The following SMARCA2 variants were observed in gnomAD, a reference collection of about 807,000 sequenced individuals.
The protein encoded by SMARCA2 is SWI/SNF-related matrix-associated actin-dependent regulator of chromatin subfamily A member 2.
SMARCA2 carries 61 observed loss-of-function variants against 199.8 expected under a neutral mutation model. That is an observed-to-expected ratio of 0.31 (90% confidence interval 0.25 to 0.38). The LOEUF is 0.38. SMARCA2 is among the 10% of genes least tolerant of loss of function. The pLI is 1.00. For synonymous variants in SMARCA2, 935 were observed against 732.0 expected (o/e 1.28, Z -4.48); for missense variants, 1,344 against 2,012.2 (o/e 0.67, Z 6.35).
At chr9:2,149,546 T>G (rs544778300) in intron 27 of SMARCA2, among the ~76,000 whole-genome samples, 11 of 151,438 alleles carry the variant, frequency 7.3e-5, no homozygotes, top group African/African-American at 2.7e-4. Flanking sequence ...AGGAAACCTC[T>G]TATAAAACTA....
Position 2,181,553 on chromosome 9 carries a change from G to C in SMARCA2, c.4254-18G>C, listed in dbSNP as rs201349909. Reference sequence around the variant, plus strand: ...TGTTTGATGTGGCTTGTTTTTGTTTGTTTCACCCATCCTACAGTTCAGGGC... The same window carrying C: ...TGTTTGATGTGGCTTGTTTTTGTTTCTTTCACCCATCCTACAGTTCAGGGC... On this transcript the variant is annotated intron_variant, in intron 29 of 33. Coordinates refer to ENST00000349721, the MANE Select transcript of SMARCA2 (RefSeq NM_003070.5). 151 of 1,316,346 alleles carry C rather than the reference G, an allele frequency of 1.1e-4. No individual in the cohort carries two copies. In the African/African-American group the frequency reaches 2.0e-3, roughly 18 times the overall value. The allele number at this position is 1,316,346 out of a possible 1,614,324, so 81.5% of individuals were successfully genotyped here. A position where few individuals can be genotyped will look rare whatever the true frequency, so the allele number is the denominator to read the frequency against.
At chr9:2,067,730 C>G (rs1268169560) in intron 9 of SMARCA2, among the ~76,000 whole-genome samples, 1 of 152,166 alleles carries the variant, frequency 6.6e-6, no homozygotes, top group Non-Finnish European at 1.5e-5. Flanking sequence ...TGTCTAATTG[C>G]AGAACCAAAT....
chr9:2,077,901 C>A, intron 14 of SMARCA2, 125 bp downstream of exon 14: 1 of 791,800 alleles, frequency 1.3e-6, no homozygotes, highest in Non-Finnish European at 2.0e-6. Context: ...ACTTATAATA[C>A]TGAGGTTCCT....
chr9:2,098,195 A>G (rs576578906), intron 21 of SMARCA2, among the ~76,000 whole-genome samples: 9 of 152,340 alleles, frequency 5.9e-5, no homozygotes, highest in East Asian at 1.9e-4. Context: ...CCTGGTGGCA[A>G]TTATTTGCCA....
At chr9:2,184,154 C>G (rs946600135) in intron 31 of SMARCA2, among the ~76,000 whole-genome samples, 9 of 152,120 alleles carry the variant, frequency 5.9e-5, no homozygotes, top group African/African-American at 2.2e-4. Context: ...AAGTCTTTAG[C>G]TTCATCTGCT....
chr9:2,085,478 C>T (rs2130480610), intron 17 of SMARCA2, among the ~76,000 whole-genome samples: 1 of 152,258 alleles, frequency 6.6e-6, no homozygotes, highest in African/African-American at 2.4e-5. Flanking sequence ...TTTATTATTT[C>T]ATAAGCTAAA....
At chr9:2,192,556 T>A (rs887321280) in intron 33 of SMARCA2, 148 bp from the exon 34 acceptor site, 2 of 707,282 alleles carry the variant, frequency 2.8e-6, no homozygotes, top group African/African-American at 3.6e-5. Flanking sequence ...GCCTCTTTAA[T>A]GTGTTTCTGT....
At chr9:2,188,692 A>G (rs939611138) in intron 32 of SMARCA2, among the ~76,000 whole-genome samples, 1 of 152,172 alleles carries the variant, frequency 6.6e-6, no homozygotes, top group Non-Finnish European at 1.5e-5. Context: ...CTTTAATACA[A>G]CACAAACTTA....
chr9:2,162,007 G>T (rs1204605544), intron 28 of SMARCA2, 104 bp downstream of exon 28: 1 of 825,140 alleles, frequency 1.2e-6, no homozygotes, highest in Non-Finnish European at 1.9e-6. Context: ...TTTTATTAAG[G>T]TTCTTTCTAG....
chr9:2,179,229 C>A (rs1415918719), intron 29 of SMARCA2, among the ~76,000 whole-genome samples: 1 of 152,006 alleles, frequency 6.6e-6, no homozygotes, highest in East Asian at 1.9e-4. Flanking sequence ...GTTGGTGGTA[C>A]CAGTTGGGTT....
rs1226767805 is a variant in SMARCA2, at chr9:2,192,710, T to C, written c.4744T>C (p.Ser1582Pro). Residue 1582 changes from serine to proline, a missense_variant, in exon 34 of 34, where the codon TCA (serine) becomes CCA (proline). Coordinates refer to ENST00000349721, the MANE Select transcript of SMARCA2 (RefSeq NM_003070.5). ...SDEEQDEREQ[S>P]EGSGTDDE is the part of the protein sequence containing the mutation. ...TTCTTATTTTTACTTTTAGGAACAG[T>C]CAGAAGGAAGTGGGACGGATGATGA... 1.2e-6 allele frequency: 2 copies of C among 1,607,062 alleles called. No individual in the cohort carries two copies. The highest frequency in any genetic ancestry group is 1.7e-5 in the Admixed American group (1 of 59,998).
intron 4 of SMARCA2, chr9:2,040,167 T>C (rs1819543161): frequency 1.5e-6 from 1 of 679,108 alleles, no homozygotes; most frequent in Non-Finnish European, 2.4e-6. Context: ...TGCGTTCTCT[T>C]TGAAGCGGTT....
chr9:2,063,308 G>A (rs893578673), intron 9 of SMARCA2, among the ~76,000 whole-genome samples: 23 of 152,292 alleles, frequency 1.5e-4, no homozygotes, highest in African/African-American at 4.8e-4. Flanking sequence ...TTATTCAAGT[G>A]CAAAGGAAGG....
chr9:2,040,737 T>A (rs188665410), intron 4 of SMARCA2: 3 of 152,264 alleles, frequency 2.0e-5, no homozygotes, highest in Non-Finnish European at 4.4e-5. Context: ...CTATTTCTTA[T>A]ACACCTTGGG....
At chr9:2,015,808 A>C (rs1028827957) in intron 1 of SMARCA2, among the ~76,000 whole-genome samples, 2 of 152,332 alleles carry the variant, frequency 1.3e-5, no homozygotes, top group African/African-American at 4.8e-5. Context: ...TCAAGGTTGC[A>C]ACACACACAT....
chr9:2,077,864 GCTTTTGATGATATTT>G, intron 14 of SMARCA2, 88 bp downstream of exon 14: 1 of 1,234,300 alleles, frequency 8.1e-7, no homozygotes, highest in Admixed American at 2.2e-5. Context: ...TTGACTAAGG[GCTTTTGATGATATTT>G]TAGGCCACAT....
Position 2,119,539 on chromosome 9 carries a change from A to G in SMARCA2, c.3762+4A>G. 1.3e-6 allele frequency: 2 copies of G among 1,595,282 alleles called. No individual in the cohort carries two copies. Among genetic ancestry groups the G allele is most frequent in the Non-Finnish European group, 1.7e-6 (2 of 1,163,070 alleles). On this transcript the variant is annotated splice_donor_region_variant and intron_variant, in intron 26 of 33. Transcript: ENST00000349721. This position sits in a 1 kb window ranked among gnomAD's most constrained non-coding sequence, Gnocchi z 4.6. ...AGAAGAATTTGACCTTTTTATGGTA[A>G]TGTTACAGAAAATCATGAACACAAA...
At chr9:2,107,490 A>G (rs1822808572) in intron 23 of SMARCA2, among the ~76,000 whole-genome samples, 1 of 151,962 alleles carries the variant, frequency 6.6e-6, no homozygotes, top group East Asian at 1.9e-4. Flanking sequence ...GCTAACTTTT[A>G]TATTTTTAGT....
At chr9:2,159,833 C>G in intron 27 of SMARCA2, 1 of 1,611,858 alleles carries the variant, frequency 6.2e-7, no homozygotes, top group Non-Finnish European at 8.5e-7. Flanking sequence ...AGACTAGCAG[C>G]TCGCTGCTTT....
Sources: gnomAD v4.1 joint callset for allele counts (sites outside exome capture counted in the v4.1 genomes callset) on GRCh38, gnomAD v4.1.1 for gene constraint, Gnocchi (gnomAD v3.1) non-coding constraint, MANE v1.5 for transcripts, NCBI Gene and HGNC (gene_info 2026-07-23, HGNC 2026-07-21) for gene names.